Variants in RGS22 observed in about 807,000 individuals in gnomAD.
The protein encoded by RGS22 is regulator of G protein signaling 22, also known as regulator of G-protein signaling 22.
Under a neutral mutation model 172.9 loss-of-function variants are expected in RGS22, and 148 were observed. The ratio of observed to expected loss-of-function variants is 0.86; its 90% CI spans 0.75 to 0.98. The LOEUF (loss-of-function observed/expected upper bound fraction) is 0.98, where lower values mean the gene tolerates loss of function less well. RGS22 is among the 50% of genes least tolerant of loss of function. RGS22 has a pLI of 0.00. For missense variants in RGS22, 1,347 were observed against 1,440.8 expected (o/e 0.93, Z 1.05); for synonymous variants, 458 against 480.2 (o/e 0.95, Z 0.60).
At chr8:100,035,237 C>G (rs1257014450) in intron 14 of RGS22, among the ~76,000 whole-genome samples, 2 of 152,034 alleles carry the variant, frequency 1.3e-5, no homozygotes, top group Non-Finnish European at 2.9e-5. Flanking sequence ...CCAGAATCTA[C>G]GAAGAGCTCA....
chr8:100,098,873 T>C (rs1813220581), intron 2 of RGS22, among the ~76,000 whole-genome samples: 1 of 19,686 alleles, frequency 5.1e-5, no homozygotes, highest in Non-Finnish European at 8.5e-5. Context: ...TTTATTTTAT[T>C]TTATTTTATT....
intron 3 of RGS22, among the ~76,000 whole-genome samples, chr8:100,084,871 A>G (rs1353974424): frequency 2.6e-5 from 4 of 152,250 alleles, no homozygotes; most frequent in African/African-American, 9.6e-5. Flanking sequence ...TCTATGATAA[A>G]GAGTAAACAA....
At chr8:100,033,747 CA>C (rs34018974) in intron 14 of RGS22, among the ~76,000 whole-genome samples, 84,068 of 151,972 alleles carry the variant, frequency 0.55, 23,619 homozygotes, top group Admixed American at 0.62. Context: ...AGCAGCACAT[CA>C]AAAAGCTTAT....
chr8:100,070,041 AAAAAAAAC>A (rs1342258326), intron 6 of RGS22, among the ~76,000 whole-genome samples: 3 of 150,024 alleles, frequency 2.0e-5, no homozygotes, highest in Admixed American at 6.6e-5. Context: ...AAAAAAAAAA[AAAAAAAAC>A]AAAACAAAAC....
At chr8:100,095,488 TTTG>T (rs1812894212) in intron 2 of RGS22, among the ~76,000 whole-genome samples, 1 of 152,166 alleles carries the variant, frequency 6.6e-6, no homozygotes, top group African/African-American at 2.4e-5. Flanking sequence ...TCAGCCCTGT[TTTG>T]TTGTTGTTTT....
At chr8:100,105,570 A>G in intron 1 of RGS22, 168 bp from the exon 2 acceptor site, 1 of 646,544 alleles carries the variant, frequency 1.5e-6, no homozygotes, top group Non-Finnish European at 2.7e-6. Context: ...GTTGGAATTC[A>G]AGGTGGAAGT....
intron 7 of RGS22, among the ~76,000 whole-genome samples, chr8:100,064,900 A>G (rs1040182557): frequency 3.3e-5 from 5 of 152,248 alleles, no homozygotes; most frequent in Non-Finnish European, 4.4e-5. Context: ...CTTACAGTCT[A>G]TCATTAAACT....
At chr8:100,029,585 C>T (rs1424108586) in intron 14 of RGS22, among the ~76,000 whole-genome samples, 1 of 151,746 alleles carries the variant, frequency 6.6e-6, no homozygotes, top group African/African-American at 2.4e-5. Flanking sequence ...CACCTGTAAT[C>T]CCAGCTACTT....
chr8:100,085,217 C>T (rs565524680), intron 3 of RGS22, among the ~76,000 whole-genome samples: 2 of 152,290 alleles, frequency 1.3e-5, no homozygotes, highest in Admixed American at 1.3e-4. Flanking sequence ...TAAGATCACT[C>T]AGCCCCACTA....
chr8:100,008,603 TAAGAG>T (rs751478492), intron 14 of RGS22, 34 bp from the exon 15 acceptor site: 1 of 1,535,250 alleles, frequency 6.5e-7, no homozygotes, highest in South Asian at 1.2e-5. Flanking sequence ...GAGAAGATGT[TAAGAG>T]AAGCCACAAT....
In RGS22 at chr8:100,079,610, A is replaced by G. The variant is rs1305049567; in HGVS notation, c.339+524T>C. Among the ~76,000 whole-genome samples the G allele has an allele frequency of 2.0e-5, 3 of 152,200 alleles. No individual in the cohort carries two copies. The South Asian group carries it at 6.2e-4, about 32-fold the overall frequency. On this transcript the variant is annotated intron_variant, in intron 4 of 27. Transcript: ENST00000360863. ...TCATTTGACAGATGATGAAAATCAGATTCATCAAAGTGACTTGTACACAGA... is the reference window on the plus strand; with the variant it reads ...TCATTTGACAGATGATGAAAATCAGGTTCATCAAAGTGACTTGTACACAGA...
chr8:99,982,914 T>C (rs1268359281), intron 21 of RGS22, among the ~76,000 whole-genome samples: 1 of 152,136 alleles, frequency 6.6e-6, no homozygotes, highest in Non-Finnish European at 1.5e-5. Flanking sequence ...GTCACTTAGG[T>C]AGAGCGTAGT....
At position 100,086,011 on chromosome 8, in the gene RGS22, T is replaced by A. The variant is rs888646496; in HGVS notation, c.118-5656A>T. Reference sequence around the variant, plus strand: ...TTAACTATTAATATATTCTGGAAATTAAGGAAGATGTATAGGGAAAGTGGG... The same window carrying A: ...TTAACTATTAATATATTCTGGAAATAAAGGAAGATGTATAGGGAAAGTGGG... On this transcript the variant is annotated intron_variant, in intron 3 of 27. Transcript: ENST00000360863. 2.0e-5 allele frequency among the ~76,000 whole-genome samples: 3 copies of A among 152,118 alleles called. No individual in the cohort carries two copies. In the East Asian group the frequency reaches 5.8e-4, roughly 29 times the overall value.
At chr8:99,980,085 C>A (rs1328154689) in intron 22 of RGS22, among the ~76,000 whole-genome samples, 1 of 152,096 alleles carries the variant, frequency 6.6e-6, no homozygotes, top group Non-Finnish European at 1.5e-5. Flanking sequence ...TGGGAAGTAT[C>A]TGAAATAGTT....
intron 20 of RGS22, 68 bp downstream of exon 20, chr8:99,996,394 G>A: frequency 1.5e-6 from 2 of 1,336,554 alleles, no homozygotes; most frequent in Admixed American, 1.7e-5. Context: ...GAACAAGAAA[G>A]GGAAAGAAAA....
chr8:100,042,998 T>C (rs1304733693), intron 11 of RGS22, among the ~76,000 whole-genome samples: 1 of 152,178 alleles, frequency 6.6e-6, no homozygotes, highest in Admixed American at 6.5e-5. Flanking sequence ...CTTGAAAGCC[T>C]GATATTAGGA....
At chr8:100,018,449 A>G (rs1414329126) in intron 14 of RGS22, among the ~76,000 whole-genome samples, 1 of 151,768 alleles carries the variant, frequency 6.6e-6, no homozygotes, top group Non-Finnish European at 1.5e-5. Context: ...CACACACACA[A>G]AAGAGGGTAG....
At chr8:100,046,527 TGCAA>T (rs1289561301) in intron 11 of RGS22, 3 of 150,644 alleles carry the variant, frequency 2.0e-5, no homozygotes, top group African/African-American at 7.3e-5. Context: ...ATTTATACAA[TGCAA>T]GCAAAGTGTC....
chr8:100,053,049 A>G, intron 9 of RGS22, 73 bp from the exon 10 acceptor site: 1 of 1,324,058 alleles, frequency 7.6e-7, no homozygotes, highest in Admixed American at 1.8e-5. Flanking sequence ...TACAAAATAC[A>G]TAATAGCTGT....
Sources: gnomAD v4.1 joint callset for allele counts (sites outside exome capture counted in the v4.1 genomes callset) on GRCh38, gnomAD v4.1.1 for gene constraint, MANE v1.5 for transcripts, NCBI Gene and HGNC (gene_info 2026-07-23, HGNC 2026-07-21) for gene names.